CTIF: variants seen among roughly 807,000 people sequenced by gnomAD.
CTIF encodes the protein CBP80/20-dependent translation initiation factor.
Under a neutral mutation model 66.0 loss-of-function variants are expected in CTIF, and 21 were observed. The observed-to-expected ratio is 0.32, with a 90% CI of 0.23 to 0.46. The LOEUF is 0.46. Among genes scored for constraint, CTIF ranks in the 20% least tolerant of loss-of-function variants. CTIF has a pLI of 1.00. For synonymous variants in CTIF, 345 were observed against 326.4 expected (o/e 1.06, Z -0.62); for missense variants, 739 against 812.7 (o/e 0.91, Z 1.10).
At chr18:48,795,651 A>G (rs1282097280) in intron 9 of CTIF, among the ~76,000 whole-genome samples, 2 of 152,184 alleles carry the variant, frequency 1.3e-5, no homozygotes, top group Admixed American at 1.3e-4. Flanking sequence ...AACCTGGAAA[A>G]TAGAACTAGT....
At chr18:48,851,022 C>T (rs563786380) in intron 10 of CTIF, among the ~76,000 whole-genome samples, 1 of 152,360 alleles carries the variant, frequency 6.6e-6, no homozygotes, top group South Asian at 2.1e-4. Context: ...GAGGGCCTCT[C>T]GCACAATGTG....
At position 48,660,976 on chromosome 18, in the gene CTIF, T is replaced by G. The variant is rs567140532; in HGVS notation, c.253-2776T>G. On this transcript the variant is annotated intron_variant, in intron 3 of 11. Coordinates refer to ENST00000256413, the MANE Select transcript of CTIF (RefSeq NM_014772.3). ...CCTCGGATCCTAGGACGGTAAATCA[T>G]TCTTGACATCCTAATCTTGATTCAG... is the stretch of plus-strand genomic sequence containing the variant. 2.0e-5 allele frequency among the ~76,000 whole-genome samples: 3 copies of G among 152,358 alleles called. No homozygotes were observed. The South Asian group carries it at 6.2e-4, about 32-fold the overall frequency.
intron 10 of CTIF, among the ~76,000 whole-genome samples, chr18:48,854,657 A>AG: frequency 6.6e-6 from 1 of 152,272 alleles, no homozygotes; most frequent in Non-Finnish European, 1.5e-5. Context: ...ATGGTGGCTC[A>AG]CACCTATAAT....
intron 2 of CTIF, among the ~76,000 whole-genome samples, chr18:48,633,976 T>A (rs1343748117): frequency 6.6e-6 from 1 of 152,186 alleles, no homozygotes; most frequent in East Asian, 1.9e-4. Context: ...GAGGCTTTAT[T>A]CAGATTTCAC....
chr18:48,685,225 C>CT (rs1201229125), intron 6 of CTIF, among the ~76,000 whole-genome samples: 52 of 146,684 alleles, frequency 3.5e-4, no homozygotes, highest in Middle Eastern at 3.6e-3. Context: ...AGTTTGTGTA[C>CT]TTTTTTTTTT....
chr18:48,849,621 C>CT (rs1384594039), intron 10 of CTIF, among the ~76,000 whole-genome samples: 1 of 125,712 alleles, frequency 8.0e-6, no homozygotes, highest in Non-Finnish European at 1.6e-5. Flanking sequence ...GAGTTTCACT[C>CT]TATCGCCAGG....
At chr18:48,832,398 C>T (rs1339378316) in intron 10 of CTIF, among the ~76,000 whole-genome samples, 2 of 152,080 alleles carry the variant, frequency 1.3e-5, no homozygotes, top group South Asian at 2.1e-4. Context: ...TCTCAAACTC[C>T]TGGGCTCAAG....
intron 1 of CTIF, among the ~76,000 whole-genome samples, chr18:48,572,198 A>G (rs2089432365): frequency 6.6e-6 from 1 of 151,204 alleles, no homozygotes; most frequent in African/African-American, 2.4e-5. Flanking sequence ...CCTTCAACTG[A>G]TTGGAGGAGG....
At chr18:48,779,775 C>T (rs1451363248) in intron 9 of CTIF, among the ~76,000 whole-genome samples, 1 of 152,244 alleles carries the variant, frequency 6.6e-6, no homozygotes, top group Non-Finnish European at 1.5e-5. Flanking sequence ...GACAAGACTT[C>T]TCCATGTCCT....
intron 1 of CTIF, among the ~76,000 whole-genome samples, chr18:48,604,366 G>C (rs1466879586): frequency 2.0e-5 from 3 of 151,074 alleles, no homozygotes; most frequent in Non-Finnish European, 4.4e-5. Flanking sequence ...TTTTAGTAGA[G>C]ACGGGGTTTC....
At chr18:48,786,183 G>A (rs966443156) in intron 9 of CTIF, among the ~76,000 whole-genome samples, 4 of 152,124 alleles carry the variant, frequency 2.6e-5, no homozygotes, top group African/African-American at 9.7e-5. Flanking sequence ...GGGAGGTGCC[G>A]GCGGAGCAGT....
intron 1 of CTIF, among the ~76,000 whole-genome samples, chr18:48,554,063 G>C (rs903511979): frequency 1.3e-5 from 2 of 152,190 alleles, no homozygotes; most frequent in East Asian, 3.9e-4. Context: ...AGTGGGTGAA[G>C]AGGCTGTGCA....
intron 1 of CTIF, among the ~76,000 whole-genome samples, chr18:48,595,017 G>A (rs1330096216): frequency 6.6e-6 from 1 of 152,222 alleles, no homozygotes; most frequent in East Asian, 1.9e-4. Flanking sequence ...AGTCTCCGGT[G>A]CCAGGCATTG....
At chr18:48,771,433 G>A (rs1259872294) in intron 9 of CTIF, among the ~76,000 whole-genome samples, 1 of 152,188 alleles carries the variant, frequency 6.6e-6, no homozygotes, top group Admixed American at 6.5e-5. Context: ...CCACAAAAGG[G>A]AATGGCCTGG....
In CTIF at chr18:48,626,000, C is replaced by CTTTTTTTTTT. The variant is rs74174709; in HGVS notation, c.180+6265_180+6274dup. ...CACATTGTCTTATTTCTTTTTCTTT[C>CTTTTTTTTTT]TTTTTTTTTTTTTTTTTTTGAGATG... On this transcript the variant is annotated intron_variant, in intron 2 of 11. Transcript: ENST00000256413. 1.2e-3 allele frequency among the ~76,000 whole-genome samples: 131 copies of CTTTTTTTTTT among 109,102 alleles called. 2 individuals are homozygous for CTTTTTTTTTT. The highest frequency in any genetic ancestry group is 1.4e-3 in the Non-Finnish European group (78 of 56,008). 71.6% of individuals were successfully genotyped at this position (109,102 alleles called of 152,430 possible).
At chr18:48,574,272 T>C (rs546452234) in intron 1 of CTIF, among the ~76,000 whole-genome samples, 1 of 152,374 alleles carries the variant, frequency 6.6e-6, no homozygotes, top group East Asian at 1.9e-4. Flanking sequence ...TTGTGGTGAA[T>C]GGGCTTAAAT....
chr18:48,649,841 G>A (rs1220622652), intron 3 of CTIF, among the ~76,000 whole-genome samples: 1 of 152,216 alleles, frequency 6.6e-6, no homozygotes, highest in Non-Finnish European at 1.5e-5. Flanking sequence ...AACAGGGTCT[G>A]GAGTGGACGT....
intron 7 of CTIF, among the ~76,000 whole-genome samples, chr18:48,742,719 T>C (rs915776277): frequency 6.6e-6 from 1 of 152,242 alleles, no homozygotes; most frequent in Admixed American, 6.5e-5. Context: ...GCATGGACAG[T>C]AAGCACCTTG....
At chr18:48,600,920 C>T (rs1158373214) in intron 1 of CTIF, among the ~76,000 whole-genome samples, 1 of 152,092 alleles carries the variant, frequency 6.6e-6, no homozygotes, top group African/African-American at 2.4e-5. Flanking sequence ...TTGGCATGTC[C>T]CTGGTGAGAA....
Sources: gnomAD v4.1 joint callset for allele counts (sites outside exome capture counted in the v4.1 genomes callset) on GRCh38, gnomAD v4.1.1 for gene constraint, MANE v1.5 for transcripts, NCBI Gene and HGNC (gene_info 2026-07-23, HGNC 2026-07-21) for gene names.